CRPPA: variants seen among roughly 807,000 people sequenced by gnomAD.
The protein encoded by CRPPA is CDP-L-ribitol pyrophosphorylase A.
CRPPA carries 43 observed loss-of-function variants against 52.0 expected under a neutral mutation model. The ratio of observed to expected loss-of-function variants is 0.83; its 90% CI spans 0.65 to 1.07. CRPPA has a LOEUF of 1.07. Among genes scored for constraint, CRPPA ranks in the 50% least tolerant of loss-of-function variants. The probability of loss-of-function intolerance (pLI) is 0.00; values close to 1 mark genes in which losing one functional copy is unlikely to be tolerated. For synonymous variants in CRPPA, 250 were observed against 203.5 expected, an observed-to-expected ratio of 1.23 and a Z score of -1.94; for missense variants, 629 against 551.7, an observed-to-expected ratio of 1.14 and a Z score of -1.40.
At chr7:16,328,894 T>C (rs748214821) in intron 3 of CRPPA, among the ~76,000 whole-genome samples, 1 of 152,172 alleles carries the variant, frequency 6.6e-6, no homozygotes, top group Non-Finnish European at 1.5e-5. Flanking sequence ...TTAAACATGA[T>C]AGCCTGCCAA....
intron 3 of CRPPA, among the ~76,000 whole-genome samples, chr7:16,329,422 C>G (rs887307169): frequency 6.6e-6 from 1 of 152,126 alleles, no homozygotes. Context: ...AAATATATTC[C>G]CCTCTAGATT....
At chr7:16,095,106 C>T (rs546613787) in intron 9 of CRPPA, among the ~76,000 whole-genome samples, 30 of 152,216 alleles carry the variant, frequency 2.0e-4, no homozygotes, top group Non-Finnish European at 2.9e-4. Flanking sequence ...CTGAATTTGT[C>T]TGTATATCTA....
At chr7:16,096,129 A>T (rs938789185) in intron 9 of CRPPA, among the ~76,000 whole-genome samples, 7 of 152,172 alleles carry the variant, frequency 4.6e-5, no homozygotes, top group African/African-American at 1.7e-4. Context: ...CACAGGATCA[A>T]ATTGATTCAG....
At chr7:16,418,770 G>A (rs900766790) in intron 1 of CRPPA, among the ~76,000 whole-genome samples, 1 of 152,124 alleles carries the variant, frequency 6.6e-6, no homozygotes, top group African/African-American at 2.4e-5. Flanking sequence ...TAACATGCGG[G>A]GTTATGGGGA....
At chr7:16,230,099 T>A (rs1306052401) in intron 8 of CRPPA, among the ~76,000 whole-genome samples, 1 of 152,176 alleles carries the variant, frequency 6.6e-6, no homozygotes, top group Non-Finnish European at 1.5e-5. Flanking sequence ...AGCATTATTA[T>A]AATATGTCTT....
intron 3 of CRPPA, among the ~76,000 whole-genome samples, chr7:16,369,464 G>A (rs1786692117): frequency 1.3e-5 from 2 of 152,200 alleles, no homozygotes; most frequent in African/African-American, 2.4e-5. Flanking sequence ...GCACCAGGCT[G>A]CCTGTCTTTG....
chr7:16,392,064 CTG>C (rs1787460503), intron 2 of CRPPA, among the ~76,000 whole-genome samples: 2 of 152,244 alleles, frequency 1.3e-5, no homozygotes, highest in South Asian at 2.1e-4. Context: ...CACTTAATAG[CTG>C]TGTTATTTGT....
chr7:16,093,115 C>G lies in CRPPA; in HGVS notation c.1252-1316G>C, dbSNP rs556510297. On this transcript the variant is annotated intron_variant, in intron 9 of 9. Transcript: ENST00000407010. ...CCTCTAGCACACCGAATTTTATAGT[C>G]TTTTTTAGTTGACCATCTATTTTAC... 2.0e-4 allele frequency among the ~76,000 whole-genome samples: 30 copies of G among 152,164 alleles called. No homozygotes were observed. In the South Asian group the frequency reaches 4.6e-3, roughly 23 times the overall value.
intron 3 of CRPPA, among the ~76,000 whole-genome samples, chr7:16,350,874 A>G (rs1372865641): frequency 6.6e-6 from 1 of 152,168 alleles, no homozygotes; most frequent in Non-Finnish European, 1.5e-5. Context: ...ATCTTAAAGA[A>G]CACTCAGACT....
At chr7:16,158,778 C>A (rs1783240187) in intron 9 of CRPPA, among the ~76,000 whole-genome samples, 2 of 152,170 alleles carry the variant, frequency 1.3e-5, no homozygotes, top group South Asian at 4.1e-4. Context: ...AAAGACTTTT[C>A]TTCACCCTTC....
chr7:16,120,526 G>A (rs1782461524), intron 9 of CRPPA, among the ~76,000 whole-genome samples: 1 of 152,144 alleles, frequency 6.6e-6, no homozygotes, highest in South Asian at 2.1e-4. Context: ...TCAAATTTAT[G>A]AGGATTTTGT....
Position 16,238,812 on chromosome 7 carries a change from A to G in CRPPA, c.1119+19578T>C, listed in dbSNP as rs74297954. On this transcript the variant is annotated intron_variant, in intron 8 of 9. Transcript: ENST00000407010. ...TATGAAAGCAAAAAGACTTCACAGC[A>G]TGTTCTAGTATAGAAAATATTTTTA... 0.019 allele frequency among the ~76,000 whole-genome samples: 2,839 copies of G among 152,224 alleles called. 123 individuals carry two copies. The East Asian group carries it at 0.19, about 10-fold the overall frequency.
At chr7:16,367,909 G>C (rs1369563385) in intron 3 of CRPPA, among the ~76,000 whole-genome samples, 1 of 152,026 alleles carries the variant, frequency 6.6e-6, no homozygotes, top group Non-Finnish European at 1.5e-5. Context: ...AGAAATCAAA[G>C]CAAAAGGTAC....
intron 8 of CRPPA, among the ~76,000 whole-genome samples, chr7:16,222,416 C>T (rs1410710435): frequency 6.8e-6 from 1 of 146,736 alleles, no homozygotes; most frequent in Non-Finnish European, 1.5e-5. Context: ...GCACAATGTG[C>T]ACATGTACCC....
chr7:16,206,378 T>C (rs907381693), intron 9 of CRPPA, among the ~76,000 whole-genome samples: 3 of 152,098 alleles, frequency 2.0e-5, no homozygotes, highest in South Asian at 2.1e-4. Context: ...ACTTGCGTCC[T>C]AACTTCAATA....
At chr7:16,297,124 A>G (rs190180221) in intron 5 of CRPPA, among the ~76,000 whole-genome samples, 57 of 152,322 alleles carry the variant, frequency 3.7e-4, no homozygotes, top group African/African-American at 1.2e-3. Context: ...CTTAAAGACA[A>G]TGTAGACCTG....
chr7:16,235,641 T>C (rs188037563), intron 8 of CRPPA, among the ~76,000 whole-genome samples: 3 of 152,208 alleles, frequency 2.0e-5, no homozygotes, highest in African/African-American at 7.2e-5. Context: ...TCTGTTTCTT[T>C]ACAGGAAAAA....
chr7:16,194,449 C>T (rs1350339245), intron 9 of CRPPA, among the ~76,000 whole-genome samples: 1 of 152,082 alleles, frequency 6.6e-6, no homozygotes, highest in African/African-American at 2.4e-5. Flanking sequence ...TAACTGTCCC[C>T]TAAATTTGAC....
intron 9 of CRPPA, chr7:16,209,238 G>T: frequency 3.6e-6 from 1 of 274,350 alleles, no homozygotes; most frequent in Non-Finnish European, 7.0e-6. Context: ...AAGGTGGTAA[G>T]AAGAGACACG....
Sources: gnomAD v4.1 joint callset for allele counts (sites outside exome capture counted in the v4.1 genomes callset) on GRCh38, gnomAD v4.1.1 for gene constraint, MANE v1.5 for transcripts, NCBI Gene and HGNC (gene_info 2026-07-23, HGNC 2026-07-21) for gene names.